TSPOAP1: variants seen among roughly 807,000 people sequenced by gnomAD.
TSPOAP1 encodes the protein peripheral-type benzodiazepine receptor-associated protein 1.
TSPOAP1 carries 87 observed loss-of-function variants against 197.0 expected under a neutral mutation model. That is an observed-to-expected ratio of 0.44 (90% CI 0.37 to 0.53). The LOEUF (loss-of-function observed/expected upper bound fraction) is 0.53, where lower values mean the gene tolerates loss of function less well. Ranked by LOEUF, TSPOAP1 falls within the 20% of genes least tolerant of loss-of-function variation. The pLI is 0.00. For missense variants in TSPOAP1, 2,174 were observed against 2,411.3 expected (o/e 0.90, Z 2.06); for synonymous variants, 913 against 998.9 (o/e 0.91, Z 1.62).
Position 58,308,732 on chromosome 17 carries a change from T to C in TSPOAP1, c.4540A>G (p.Ile1514Val). ...EDEQEAGSGG[I>V]SITSSCYPGD... ...GGGTAGCAGGAGCTGGTGATGCTGA[T>C]GCCCCCGCTGCCCGCCTCCTGCTCA... Residue 1514 changes from isoleucine to valine, a missense_variant, in exon 22 of 32, where the codon ATC becomes GTC. By Grantham distance (29) the Ile-to-Val change is conservative. Transcript: ENST00000343736. 1 of 1,613,004 alleles carries C rather than the reference T, an allele frequency of 6.2e-7. No homozygotes were observed. Among genetic ancestry groups the C allele is most frequent in the East Asian group, 2.2e-5 (1 of 44,880 alleles).
At position 58,326,813 on chromosome 17, in the gene TSPOAP1, A is replaced by G. The variant is rs755027500; in HGVS notation, c.334-23T>C. On this transcript the variant is annotated intron_variant, in intron 1 of 31. Transcript: ENST00000343736. This position sits in a 1 kb window ranked among gnomAD's most constrained non-coding sequence, Gnocchi z 4.7. ...GGCCTGGCATGGGAAAGGACCGAGG[A>G]CAGCACCTCAGAAACCCACGTCACC... The G allele has an allele frequency of 6.2e-7, 1 of 1,606,540 alleles. No homozygotes were observed. The highest frequency in any genetic ancestry group is 8.5e-7 in the Non-Finnish European group (1 of 1,173,504).
In TSPOAP1 at chr17:58,310,998, T is replaced by A. The variant is rs1443347325; in HGVS notation, c.3297A>T (p.Arg1099Ser). ...CTGGGGAGGCTGAAGCAAGGGGCGC[T>A]CTGGCCTCTGGGCTTGGGTGCGGTG... is the stretch of plus-strand genomic sequence containing the variant. ...CPSPHPSPEA[R>S]APLASASPGP... Residue 1099 changes from arginine (R) to serine (S), a missense_variant, in exon 19 of 32, where the codon AGA (arginine) becomes AGT (serine). By Grantham distance (110) the Arg-to-Ser change is moderately radical. Transcript: ENST00000343736. The A allele has an allele frequency of 1.2e-6, 2 of 1,600,228 alleles. No individual in the cohort carries two copies. Among genetic ancestry groups the A allele is most frequent in the Non-Finnish European group, 1.7e-6 (2 of 1,173,276 alleles).
chr17:58,312,733 G>C lies in TSPOAP1; in HGVS notation c.2099-11C>G. 1 of 1,610,362 alleles carries C rather than the reference G, an allele frequency of 6.2e-7. No homozygotes were observed. Among genetic ancestry groups the C allele is most frequent in the Non-Finnish European group, 8.5e-7 (1 of 1,178,540 alleles). ...CATCCATGAGCTCTCCTGGCAGGAGGAGGACAGGAAGGGGCAGGGCAGGGG... is the reference window on the plus strand; with the variant it reads ...CATCCATGAGCTCTCCTGGCAGGAGCAGGACAGGAAGGGGCAGGGCAGGGG... On this transcript the variant is annotated splice_polypyrimidine_tract_variant and intron_variant, in intron 16 of 31. Transcript: ENST00000343736.
chr17:58,324,886 C>T lies in TSPOAP1; in HGVS notation c.867G>A (p.Pro289=), dbSNP rs1466972791. 5 of 1,532,130 alleles carry T rather than the reference C, an allele frequency of 3.3e-6. No homozygotes were observed. Among genetic ancestry groups the T allele is most frequent in the Admixed American group, 2.0e-5 (1 of 50,856 alleles). The allele number at this position is 1,532,130 out of a possible 1,614,324, so 94.9% of individuals were successfully genotyped here. The change falls in exon 5 of 32, where the codon CCG becomes CCA. Residue 289 remains proline (P), a synonymous_variant. Transcript: ENST00000343736. This position sits in a 1 kb window ranked among gnomAD's most constrained non-coding sequence, Gnocchi z 5.8. ...GGCCCGGGGGCCAGGACGGCGGGAG[C>T]GGGAGCGTCTCCCGCTGGTTGCGCA... ...IALRNQRETL[P]LPPSWPPGPA...
Position 58,325,640 on chromosome 17 carries a change from C to A in TSPOAP1, c.644G>T (p.Arg215Leu), listed in dbSNP as rs150017839. ...TGCACTGGCTGTCTCACTGAGGTCCCGGGCTCGCTGGCGGGCTAGGGCCTT... is the reference window on the plus strand; with the variant it reads ...TGCACTGGCTGTCTCACTGAGGTCCAGGGCTCGCTGGCGGGCTAGGGCCTT... Reference protein sequence around the residue: ...CRKALARQRARDLSETASALL... With the variant: ...CRKALARQRALDLSETASALL... The change falls in exon 4 of 32, where the codon CGG (arginine) becomes CTG (leucine). Residue 215 changes from arginine to leucine, a missense_variant. Transcript: ENST00000343736. 5.8e-4 allele frequency: 942 copies of A among 1,613,474 alleles called. 3 individuals carry two copies. The African/African-American group carries it at 0.011, about 19-fold the overall frequency.
chr17:58,327,615 C>A lies in TSPOAP1; in HGVS notation c.306G>T (p.Glu102Asp). 4 of 1,613,378 alleles carry A rather than the reference C, an allele frequency of 2.5e-6. No individual in the cohort carries two copies. Among genetic ancestry groups the A allele is most frequent in the Non-Finnish European group, 3.4e-6 (4 of 1,179,926 alleles). ...SSSGPACQRP[E>D]DEEVEAFLKA... ...TCAGGAAAGCCTCCACTTCCTCATC[C>A]TCTGGCCTCTGGCAGGCGGGTCCAG... The change falls in exon 1 of 32, where the codon GAG (glutamate) becomes GAT (aspartate). Residue 102 changes from glutamate to aspartate, a missense_variant. Glu to Asp is a conservative substitution (Grantham distance 45). Coordinates refer to ENST00000343736, the MANE Select transcript of TSPOAP1 (RefSeq NM_004758.4).
Position 58,322,382 on chromosome 17 carries a change from G to A in TSPOAP1, c.1348C>T (p.Gln450Ter). ...HMREVAQRRQ[Q>*]LEVEHEQARL... ...GCCTGTTCATGCTCCACCTCCAGCTGCTGCCGCCGCTGGGCCACCTCCCGC... is the reference window on the plus strand; with the variant it reads ...GCCTGTTCATGCTCCACCTCCAGCTACTGCCGCCGCTGGGCCACCTCCCGC... The change falls in exon 10 of 32, where the codon CAG becomes TAG. Residue 450 changes from glutamine (Q) to a stop codon, truncating the protein, a stop_gained. Transcript: ENST00000343736. LOFTEE classifies it high-confidence loss of function. This position sits in a 1 kb window ranked among gnomAD's most constrained non-coding sequence, Gnocchi z 5.0. The A allele has an allele frequency of 6.2e-7, 1 of 1,606,200 alleles. No individual in the cohort carries two copies.
intron 24 of TSPOAP1, 32 bp from the exon 25 acceptor site, chr17:58,307,000 C>A: frequency 6.2e-7 from 1 of 1,600,994 alleles, no homozygotes; most frequent in Non-Finnish European, 8.5e-7. Flanking sequence ...TCAGCCAGTT[C>A]TGCTCACTCC....
Position 58,324,522 on chromosome 17 carries a change from C to G in TSPOAP1, c.942+289G>C, listed in dbSNP as rs1427061332. 1.3e-5 allele frequency among the ~76,000 whole-genome samples: 2 copies of G among 151,922 alleles called. No homozygotes were observed. The highest frequency in any genetic ancestry group is 2.4e-5 in the African/African-American group (1 of 41,392). On this transcript the variant is annotated intron_variant, in intron 5 of 31. Transcript: ENST00000343736. The surrounding 1 kb of genome is among the most constrained non-coding windows in gnomAD (Gnocchi z 5.8). The stretch of plus-strand genomic sequence containing the variant: ...GCCAGGACAACCAGGGATTTGCGGC[C>G]GGGCCGTACCACTGGCAGCGCGGCA...
intron 4 of TSPOAP1, among the ~76,000 whole-genome samples, chr17:58,325,219 G>A (rs1971544476): frequency 6.6e-6 from 1 of 152,104 alleles, no homozygotes; most frequent in Admixed American, 6.5e-5. Flanking sequence ...TTATTTCTTG[G>A]GTGCTCTCAA....
chr17:58,310,290 G>C, intron 20 of TSPOAP1, 132 bp from the exon 21 acceptor site: 1 of 1,135,196 alleles, frequency 8.8e-7, no homozygotes, highest in Admixed American at 2.6e-5. Flanking sequence ...CCTAAATGGG[G>C]GAGGCACACC....
intron 25 of TSPOAP1, 179 bp downstream of exon 25, chr17:58,306,621 A>T: frequency 2.1e-6 from 2 of 934,748 alleles, no homozygotes; most frequent in Non-Finnish European, 3.2e-6. Flanking sequence ...ACAGACGCCC[A>T]CTCCACGCGG....
At chr17:58,314,608 A>C (rs751630408) in intron 16 of TSPOAP1, among the ~76,000 whole-genome samples, 9 of 152,262 alleles carry the variant, frequency 5.9e-5, no homozygotes, top group Non-Finnish European at 8.8e-5. Context: ...AAGGGGATGC[A>C]GTTCTGCCAA....
rs1331288850 is a variant in TSPOAP1, at chr17:58,328,165, A to T, written c.-245T>A. On this transcript the variant is annotated 5_prime_UTR_variant, in exon 1 of 32. Transcript: ENST00000343736. This position sits in a 1 kb window ranked among gnomAD's most constrained non-coding sequence, Gnocchi z 4.3. ...CTGGTAGCTGTGTGTGTGCGCGAGTATGTGGAGGAGCGAGGGTGTCCCTGT... is the reference window on the plus strand; with the variant it reads ...CTGGTAGCTGTGTGTGTGCGCGAGTTTGTGGAGGAGCGAGGGTGTCCCTGT... The T allele has an allele frequency of 1.8e-6, 1 of 555,440 alleles. No individual in the cohort carries two copies. Among genetic ancestry groups the T allele is most frequent in the South Asian group, 2.2e-5 (1 of 44,666 alleles). The allele number at this position is 555,440 out of a possible 1,614,324, so 34.4% of individuals were successfully genotyped here.
rs866742901 is a variant in TSPOAP1, at chr17:58,310,537, C to T, written c.3674G>A (p.Gly1225Glu). Reference protein sequence around the residue: ...NTEMCQGGDPGSGLRPRAEKE... With the variant: ...NTEMCQGGDPESGLRPRAEKE... ...CTCAGCCCTGGGCCTCAGCCCAGACCCTGGGTCTCCTCCTTGGCACATCTC... is the reference window on the plus strand; with the variant it reads ...CTCAGCCCTGGGCCTCAGCCCAGACTCTGGGTCTCCTCCTTGGCACATCTC... Residue 1225 changes from glycine (G) to glutamate (E), a missense_variant, in exon 20 of 32, where the codon GGG becomes GAG. Around this residue, in one of 5 missense-constraint regions of TSPOAP1, gnomAD observed 1,933 missense variants for 2,139.0 expected, o/e 0.90. Coordinates refer to ENST00000343736, the MANE Select transcript of TSPOAP1 (RefSeq NM_004758.4). 4 of 1,613,334 alleles carry T rather than the reference C, an allele frequency of 2.5e-6. No individual in the cohort carries two copies. In the Admixed American group the frequency reaches 5.0e-5, roughly 20 times the overall value.
rs546452358 is a variant in TSPOAP1 at position 58,304,511 on chromosome 17, T to G, written c.5545-112A>C. 1.3e-5 allele frequency: 11 copies of G among 820,228 alleles called. No homozygotes were observed. The South Asian group carries it at 1.6e-4, about 12-fold the overall frequency. 50.8% of individuals were successfully genotyped at this position (820,228 alleles called of 1,614,324 possible). Reference sequence around the variant, plus strand: ...TGGGCCCTACTCTCCAAGGCCTTTGTGTTCACACATGGAAGCCCTGAGTTT... The same window carrying G: ...TGGGCCCTACTCTCCAAGGCCTTTGGGTTCACACATGGAAGCCCTGAGTTT... On this transcript the variant is annotated intron_variant, in intron 30 of 31. Transcript: ENST00000343736. This position sits in a 1 kb window ranked among gnomAD's most constrained non-coding sequence, Gnocchi z 4.2.
At position 58,323,308 on chromosome 17, in the gene TSPOAP1, C is replaced by T; in HGVS notation, c.1094G>A (p.Cys365Tyr). 6.2e-7 allele frequency: 1 copy of T among 1,614,196 alleles called. No homozygotes were observed. Among genetic ancestry groups the T allele is most frequent in the Non-Finnish European group, 8.5e-7 (1 of 1,180,024 alleles). ...EQEARKKQRR[C>Y]EELELQLRQA... is the part of the protein sequence containing the mutation. ...CCCTCAAGAGCTCACCAGCTCCTCA[C>T]ATCGCCTCTGCTTTTTCCGGGCTTC... The change falls in exon 7 of 32, where the codon TGT becomes TAT. Residue 365 changes from cysteine (C) to tyrosine (Y), a missense_variant. This residue lies in a region of TSPOAP1 where 1,933 missense variants were observed against 2,139.0 expected (regional missense o/e 0.90). Transcript: ENST00000343736.
Position 58,304,467 on chromosome 17 carries a change from A to C in TSPOAP1, c.5545-68T>G, listed in dbSNP as rs1970814662. The C allele has an allele frequency of 7.3e-7, 1 of 1,375,712 alleles. No homozygotes were observed. Among genetic ancestry groups the C allele is most frequent in the African/African-American group, 1.4e-5 (1 of 70,264 alleles). The allele number at this position is 1,375,712 out of a possible 1,614,324, so 85.2% of individuals were successfully genotyped here. A position where few individuals can be genotyped will look rare whatever the true frequency, so the allele number is the denominator to read the frequency against. On this transcript the variant is annotated intron_variant, in intron 30 of 31. Transcript: ENST00000343736. This position sits in a 1 kb window ranked among gnomAD's most constrained non-coding sequence, Gnocchi z 4.2. ...CCCGCACCTTCTCCGCCCGGCCACC[A>C]GGTGGCCCTGCGCAGGGGTGGGCCC...
In TSPOAP1 at chr17:58,304,223, C is replaced by A; in HGVS notation, c.*32+115G>T. 1 of 866,640 alleles carries A rather than the reference C, an allele frequency of 1.2e-6. No homozygotes were observed. The highest frequency in any genetic ancestry group is 1.9e-6 in the Non-Finnish European group (1 of 539,572). The allele number at this position is 866,640 out of a possible 1,614,324, so 53.7% of individuals were successfully genotyped here. On this transcript the variant is annotated intron_variant, in intron 31 of 31. Coordinates refer to ENST00000343736, the MANE Select transcript of TSPOAP1 (RefSeq NM_004758.4). This position sits in a 1 kb window ranked among gnomAD's most constrained non-coding sequence, Gnocchi z 4.2. ...TCATGGCAAGCTCTCCTTCGCCATTCCCTGGACTACAGTGGGAAAGCTGGG... is the reference window on the plus strand; with the variant it reads ...TCATGGCAAGCTCTCCTTCGCCATTACCTGGACTACAGTGGGAAAGCTGGG...
Sources: allele counts gnomAD v4.1 joint callset (sites outside exome capture counted in the v4.1 genomes callset), GRCh38; gene constraint gnomAD v4.1.1; regional missense constraint gnomAD v4.1.1; non-coding constraint Gnocchi (gnomAD v3.1); transcripts MANE v1.5; gene names NCBI Gene and HGNC (gene_info 2026-07-23, HGNC 2026-07-21).